Variants in INPP5A observed in about 807,000 individuals in gnomAD.
INPP5A encodes the protein inositol polyphosphate-5-phosphatase A, also known as 43 kDa inositol polyphosphate 5-phophatase.
Under a neutral mutation model 65.2 loss-of-function variants are expected in INPP5A, and 14 were observed. That is an observed-to-expected ratio of 0.21 (90% CI 0.14 to 0.34). INPP5A has a LOEUF of 0.34. Among genes scored for constraint, INPP5A ranks in the 10% least tolerant of loss-of-function variants. The pLI, the probability that INPP5A is intolerant of heterozygous loss-of-function variation, is 1.00. For synonymous variants in INPP5A, 207 were observed against 208.3 expected, an observed-to-expected ratio of 0.99 and a Z score of 0.05; for missense variants, 431 against 545.6, an observed-to-expected ratio of 0.79 and a Z score of 2.09.
At chr10:132,692,604 A>T (rs1356075481) in intron 5 of INPP5A, among the ~76,000 whole-genome samples, 1 of 152,252 alleles carries the variant, frequency 6.6e-6, no homozygotes, top group Non-Finnish European at 1.5e-5. Context: ...GATAACAATT[A>T]CATTGGACCT....
In INPP5A at chr10:132,568,513, C is replaced by T. The variant is rs2071299379; in HGVS notation, c.75+30342C>T. ...TACTGGGAGGCTGGTAATTGGGAGGCTGAGGTGGGTGGATCACCTGAGGTC... is the reference window on the plus strand; with the variant it reads ...TACTGGGAGGCTGGTAATTGGGAGGTTGAGGTGGGTGGATCACCTGAGGTC... On this transcript the variant is annotated intron_variant, in intron 1 of 15. Coordinates refer to ENST00000368594, the MANE Select transcript of INPP5A (RefSeq NM_005539.5). 2.0e-5 allele frequency among the ~76,000 whole-genome samples: 3 copies of T among 151,872 alleles called. No individual in the cohort carries two copies. In the South Asian group the frequency reaches 6.2e-4, roughly 31 times the overall value.
intron 8 of INPP5A, among the ~76,000 whole-genome samples, chr10:132,711,625 C>G (rs959199384): frequency 6.6e-6 from 1 of 152,222 alleles, no homozygotes; most frequent in South Asian, 2.1e-4. Flanking sequence ...CCCGACTAAG[C>G]GTGCGAGGGC....
chr10:132,773,210 A>C (rs908414415), intron 12 of INPP5A, among the ~76,000 whole-genome samples: 3 of 152,240 alleles, frequency 2.0e-5, no homozygotes, highest in African/African-American at 7.2e-5. Flanking sequence ...AAAAGTTTAG[A>C]AGTTCTATTG....
At chr10:132,731,729 G>A (rs1225327671) in intron 9 of INPP5A, among the ~76,000 whole-genome samples, 2 of 106,532 alleles carry the variant, frequency 1.9e-5, no homozygotes, top group Non-Finnish European at 4.9e-5. Flanking sequence ...GTTTCCCCCA[G>A]TGAGGGTTTC....
chr10:132,740,881 C>T (rs1432074944), intron 9 of INPP5A, among the ~76,000 whole-genome samples: 14 of 152,156 alleles, frequency 9.2e-5, no homozygotes, highest in East Asian at 1.9e-4. Context: ...GCTTCTCTGA[C>T]GTCACAGTGA....
At chr10:132,572,969 G>A (rs1316380911) in intron 1 of INPP5A, among the ~76,000 whole-genome samples, 1 of 151,898 alleles carries the variant, frequency 6.6e-6, no homozygotes, top group African/African-American at 2.4e-5. Context: ...TGGGGTGTAC[G>A]TGCCGTGTGA....
chr10:132,720,116 G>T (rs1368692081), intron 8 of INPP5A, among the ~76,000 whole-genome samples: 2 of 149,820 alleles, frequency 1.3e-5, no homozygotes, highest in East Asian at 2.0e-4. Flanking sequence ...TGGTACCTGG[G>T]TTCTGTCCGG....
intron 4 of INPP5A, among the ~76,000 whole-genome samples, chr10:132,679,556 G>A (rs2073015874): frequency 6.6e-6 from 1 of 152,136 alleles, no homozygotes; most frequent in Admixed American, 6.5e-5. Context: ...CAAGTAGGAG[G>A]AGGAGATCCA....
intron 9 of INPP5A, among the ~76,000 whole-genome samples, chr10:132,746,710 C>A (rs139556565): frequency 9.6e-4 from 147 of 152,364 alleles, no homozygotes; most frequent in African/African-American, 3.4e-3. Context: ...CCTCTCCTTG[C>A]GGCTGCTAAT....
intron 1 of INPP5A, among the ~76,000 whole-genome samples, chr10:132,557,079 C>T (rs1241028379): frequency 2.0e-5 from 3 of 152,202 alleles, no homozygotes; most frequent in Admixed American, 6.5e-5. Context: ...TATGCTGTGA[C>T]ACCGGTTTGG....
intron 4 of INPP5A, among the ~76,000 whole-genome samples, chr10:132,664,519 C>T (rs1282965876): frequency 6.6e-6 from 1 of 152,192 alleles, no homozygotes; most frequent in Non-Finnish European, 1.5e-5. Context: ...CAGTGTGTTC[C>T]TGAGCAGATG....
At chr10:132,691,469 C>T (rs1043901661) in intron 5 of INPP5A, among the ~76,000 whole-genome samples, 1 of 152,226 alleles carries the variant, frequency 6.6e-6, no homozygotes, top group African/African-American at 2.4e-5. Flanking sequence ...GCCGACGCAG[C>T]GTGTGCTGCA....
chr10:132,781,923 GTGT>G lies in INPP5A; in HGVS notation c.1225_1227del (p.Cys409del), dbSNP rs777873600. On this transcript the variant is annotated inframe_deletion, in exon 15 of 16. Transcript: ENST00000368594. The stretch of plus-strand genomic sequence containing the variant: ...GTAAACCTCATGCCCATGTGCACAA[GTGT>G]TGTGTCGTGCAGTGACGTGGTGGTA... The G allele has an allele frequency of 9.3e-6, 15 of 1,613,742 alleles. 1 individual carries two copies. The South Asian group carries it at 1.1e-4, about 12-fold the overall frequency.
At chr10:132,691,286 C>T (rs905439152) in intron 5 of INPP5A, among the ~76,000 whole-genome samples, 2 of 152,214 alleles carry the variant, frequency 1.3e-5, no homozygotes, top group Non-Finnish European at 2.9e-5. Flanking sequence ...ACCTGAAGAC[C>T]TTCAGATCCT....
intron 1 of INPP5A, among the ~76,000 whole-genome samples, chr10:132,564,518 T>C (rs1309149288): frequency 6.6e-6 from 1 of 152,100 alleles, no homozygotes; most frequent in Non-Finnish European, 1.5e-5. Flanking sequence ...GGCCCAGGGC[T>C]CAGCTCACTG....
chr10:132,610,777 G>A (rs114361241), intron 2 of INPP5A, among the ~76,000 whole-genome samples: 303 of 152,386 alleles, frequency 2.0e-3, no homozygotes, highest in African/African-American at 6.7e-3. Context: ...CTGCTGCAGG[G>A]TTTGGAGCTG....
At chr10:132,749,641 A>G (rs201962186) in intron 10 of INPP5A, 29 bp downstream of exon 10, 2 of 1,605,110 alleles carry the variant, frequency 1.2e-6, no homozygotes, top group Admixed American at 3.3e-5. Flanking sequence ...TGGGCAGGTG[A>G]CGCACGGGGC....
In INPP5A at chr10:132,690,012, C is replaced by T. The variant is rs112648584; in HGVS notation, c.307-380C>T. 3.9e-3 allele frequency among the ~76,000 whole-genome samples: 591 copies of T among 152,258 alleles called. 3 individuals are homozygous for T. The highest frequency in any genetic ancestry group is 0.014 in the African/African-American group (570 of 41,528). ...CCTGCGCCCCTGCTGGAGCCAGCAC[C>T]GGCTGCACGGCTCACCTGGGAAGGG... On this transcript the variant is annotated intron_variant, in intron 4 of 15. Transcript: ENST00000368594.
intron 1 of INPP5A, among the ~76,000 whole-genome samples, chr10:132,604,701 C>T (rs966141069): frequency 6.6e-6 from 1 of 152,236 alleles, no homozygotes; most frequent in Non-Finnish European, 1.5e-5. Context: ...CATGATGCAG[C>T]CTCACTGCTC....
Sources: allele counts gnomAD v4.1 joint callset (sites outside exome capture counted in the v4.1 genomes callset), GRCh38; gene constraint gnomAD v4.1.1; transcripts MANE v1.5; gene names NCBI Gene and HGNC (gene_info 2026-07-23, HGNC 2026-07-21).